SIPA1L1: variants seen among roughly 807,000 people sequenced by gnomAD.
SIPA1L1 encodes the protein signal induced proliferation associated 1 like 1.
Under a neutral mutation model 162.7 loss-of-function variants are expected in SIPA1L1, and 26 were observed. The ratio of observed to expected loss-of-function variants is 0.16; its 90% confidence interval spans 0.12 to 0.22. The LOEUF is 0.22. SIPA1L1 is among the 10% of genes least tolerant of loss of function. SIPA1L1 has a pLI of 1.00. For synonymous variants in SIPA1L1, 829 were observed against 837.4 expected, an observed-to-expected ratio of 0.99 and a Z score of 0.17; for missense variants, 1,874 against 2,241.0, an observed-to-expected ratio of 0.84 and a Z score of 3.31.
intron 5 of SIPA1L1, among the ~76,000 whole-genome samples, chr14:71,603,910 GATATATATAAATATATATATATTT>G (rs894237797): frequency 7.1e-6 from 1 of 140,180 alleles, no homozygotes; most frequent in African/African-American, 2.7e-5. Flanking sequence ...GCAAGAGCAA[GATATATATAAATATATATATATTT>G]ATATATCTAT....
chr14:71,517,888 T>C (rs961778050), intron 3 of SIPA1L1, among the ~76,000 whole-genome samples: 2 of 152,216 alleles, frequency 1.3e-5, no homozygotes, highest in Non-Finnish European at 2.9e-5. Context: ...TGGATACTTA[T>C]ATTTTGTTGA....
chr14:71,619,041 G>A (rs1358682951), intron 6 of SIPA1L1, among the ~76,000 whole-genome samples, 154 bp downstream of exon 6: 1 of 152,032 alleles, frequency 6.6e-6, no homozygotes, highest in East Asian at 1.9e-4. Flanking sequence ...GGAGATCGAG[G>A]TGGACAAGAT....
chr14:71,571,808 A>ATT (rs529764911), intron 4 of SIPA1L1, among the ~76,000 whole-genome samples: 60 of 128,020 alleles, frequency 4.7e-4, no homozygotes, highest in African/African-American at 1.4e-3. Context: ...TGCCTGGCTC[A>ATT]TTTTTTTTTT....
intron 2 of SIPA1L1, among the ~76,000 whole-genome samples, chr14:71,374,782 A>G (rs1007694810): frequency 1.1e-4 from 16 of 151,582 alleles, no homozygotes; most frequent in African/African-American, 3.9e-4. Flanking sequence ...GTAGTTTTCA[A>G]TTGCAAACAT....
chr14:71,699,753 G>A (rs1279133374), intron 14 of SIPA1L1, among the ~76,000 whole-genome samples: 1 of 152,188 alleles, frequency 6.6e-6, no homozygotes, highest in East Asian at 1.9e-4. Context: ...GACAAGTGAG[G>A]CCAATAAATG....
intron 21 of SIPA1L1, among the ~76,000 whole-genome samples, 188 bp from the exon 22 acceptor site, chr14:71,735,089 A>T (rs929394029): frequency 1.3e-5 from 2 of 152,202 alleles, no homozygotes; most frequent in African/African-American, 4.8e-5. Context: ...GGGAAATTAC[A>T]TGGCTACAAT....
At chr14:71,345,020 T>C (rs1454315455) in intron 2 of SIPA1L1, among the ~76,000 whole-genome samples, 8 of 152,206 alleles carry the variant, frequency 5.3e-5, no homozygotes, top group Non-Finnish European at 1.2e-4. Context: ...TCAGTAGTTT[T>C]CTTTGAAAGG....
intron 4 of SIPA1L1, among the ~76,000 whole-genome samples, chr14:71,532,545 T>A (rs1167579826): frequency 6.6e-6 from 1 of 152,204 alleles, no homozygotes; most frequent in Non-Finnish European, 1.5e-5. Context: ...GGTCTTGCTC[T>A]CCGCACCCTT....
intron 4 of SIPA1L1, among the ~76,000 whole-genome samples, chr14:71,544,007 G>GCA (rs2054803900): frequency 6.8e-6 from 1 of 147,194 alleles, no homozygotes; most frequent in Non-Finnish European, 1.5e-5. Flanking sequence ...ACACGCACAT[G>GCA]TATATATACA....
intron 6 of SIPA1L1, among the ~76,000 whole-genome samples, chr14:71,620,401 C>T (rs1354592069): frequency 6.6e-6 from 1 of 152,208 alleles, no homozygotes; most frequent in African/African-American, 2.4e-5. Flanking sequence ...ACTCTCTTAT[C>T]TTACTTCCAA....
At chr14:71,336,076 C>G (rs375047434) in intron 2 of SIPA1L1, among the ~76,000 whole-genome samples, 1 of 152,142 alleles carries the variant, frequency 6.6e-6, no homozygotes, top group East Asian at 1.9e-4. Flanking sequence ...ATCTTTTAGG[C>G]TTTCCAAATT....
intron 2 of SIPA1L1, among the ~76,000 whole-genome samples, chr14:71,376,572 T>A (rs979481091): frequency 1.8e-4 from 28 of 152,106 alleles, no homozygotes; most frequent in African/African-American, 5.3e-4. Context: ...TTATTTATTT[T>A]TTTTTAGTAT....
intron 5 of SIPA1L1, among the ~76,000 whole-genome samples, chr14:71,595,039 C>G (rs1201982477): frequency 1.3e-5 from 2 of 152,204 alleles, no homozygotes. Flanking sequence ...CGTGGCTCAG[C>G]TGCACCCTGA....
intron 22 of SIPA1L1, among the ~76,000 whole-genome samples, chr14:71,736,120 G>A (rs1289172587): frequency 6.6e-6 from 1 of 152,214 alleles, no homozygotes; most frequent in Non-Finnish European, 1.5e-5. Context: ...TTGAGGCTGG[G>A]ATTGGTGGCT....
chr14:71,521,845 G>A (rs1186935474), intron 3 of SIPA1L1, among the ~76,000 whole-genome samples: 3 of 152,204 alleles, frequency 2.0e-5, no homozygotes, highest in African/African-American at 7.2e-5. Flanking sequence ...CCATTCCAGT[G>A]GGTAGGTAGT....
chr14:71,630,455 G>A (rs2040456533), intron 7 of SIPA1L1, among the ~76,000 whole-genome samples: 1 of 152,234 alleles, frequency 6.6e-6, no homozygotes, highest in Non-Finnish European at 1.5e-5. Flanking sequence ...ACTGCAGTTT[G>A]CAGTGAGAGA....
intron 2 of SIPA1L1, among the ~76,000 whole-genome samples, chr14:71,488,006 A>T (rs1210858854): frequency 1.3e-5 from 2 of 152,174 alleles, no homozygotes. Flanking sequence ...GCCATGACAA[A>T]TCAAGGCTTT....
At chr14:71,332,567 G>A (rs1594855176) in intron 2 of SIPA1L1, among the ~76,000 whole-genome samples, 2 of 152,296 alleles carry the variant, frequency 1.3e-5, no homozygotes, top group South Asian at 4.1e-4. Flanking sequence ...GAAACTGGCT[G>A]TAATGCCTTT....
intron 19 of SIPA1L1, among the ~76,000 whole-genome samples, chr14:71,728,777 C>G (rs2150303158): frequency 6.6e-6 from 1 of 152,348 alleles, no homozygotes; most frequent in Non-Finnish European, 1.5e-5. Flanking sequence ...CCTATCGAGG[C>G]AGACAGTGGC....
Sources: gnomAD v4.1 joint callset for allele counts (sites outside exome capture counted in the v4.1 genomes callset) on GRCh38, gnomAD v4.1.1 for gene constraint, MANE v1.5 for transcripts, NCBI Gene and HGNC (gene_info 2026-07-23, HGNC 2026-07-21) for gene names.